Variants in PUM1 observed in about 807,000 individuals in gnomAD.
PUM1 encodes the protein pumilio homolog 1.
Under a neutral mutation model 131.8 loss-of-function variants are expected in PUM1, and 13 were observed. That is an observed-to-expected ratio of 0.10 (90% confidence interval 0.06 to 0.16). The LOEUF is 0.16. Ranked by LOEUF, PUM1 falls within the 10% of genes least tolerant of loss-of-function variation. PUM1 has a pLI of 1.00. For synonymous variants in PUM1, 509 were observed against 556.5 expected, an observed-to-expected ratio of 0.91 and a Z score of 1.20; for missense variants, 961 against 1,512.4, an observed-to-expected ratio of 0.64 and a Z score of 6.05.
intron 2 of PUM1, chr1:31,051,094 C>A (rs552471849): frequency 6.6e-6 from 1 of 151,940 alleles, no homozygotes; most frequent in East Asian, 1.9e-4. Flanking sequence ...GGCATCCACC[C>A]CAATGAAAGA....
At chr1:31,061,616 A>G (rs1220872931) in intron 1 of PUM1, 1 of 151,548 alleles carries the variant, frequency 6.6e-6, no homozygotes, top group Non-Finnish European at 1.5e-5. Context: ...ATAAATAAAT[A>G]AAATAATTTT....
chr1:30,943,800 C>G (rs77222702), intron 18 of PUM1, among the ~76,000 whole-genome samples: 19,473 of 152,214 alleles, frequency 0.13, 1,534 homozygotes, highest in East Asian at 0.24. Flanking sequence ...CAGCACATAG[C>G]AACTGATGGG....
rs1640713314 is a variant in PUM1, at chr1:30,968,387, C to T, written c.1612G>A (p.Ala538Thr). 1 of 1,588,006 alleles carries T rather than the reference C, an allele frequency of 6.3e-7. No individual in the cohort carries two copies. The highest frequency in any genetic ancestry group is 8.6e-7 in the Non-Finnish European group (1 of 1,166,428). Residue 538 changes from alanine to threonine, a missense_variant, in exon 11 of 22, where the codon GCA (alanine) becomes ACA (threonine). By Grantham distance (58) the Ala-to-Thr change is moderately conservative. Coordinates refer to ENST00000426105, the MANE Select transcript of PUM1 (RefSeq NM_001020658.2). ...CCTGCTGCCAGACCTTGTCCAAATG[C>T]AAGGGCAGAATTCACTGCTGCAGCT... is the stretch of plus-strand genomic sequence containing the variant. Reference protein sequence around the residue: ...VAAAAVNSALAFGQGLAAGMP... With the variant: ...VAAAAVNSALTFGQGLAAGMP...
intron 7 of PUM1, among the ~76,000 whole-genome samples, chr1:30,987,609 T>C (rs1050159104): frequency 6.6e-6 from 1 of 152,222 alleles, no homozygotes; most frequent in Non-Finnish European, 1.5e-5. Context: ...GAACACATTA[T>C]GCATGAACTG....
intron 2 of PUM1, among the ~76,000 whole-genome samples, chr1:31,047,532 TC>T (rs1461923258): frequency 6.6e-6 from 1 of 152,258 alleles, no homozygotes; most frequent in Non-Finnish European, 1.5e-5. Context: ...AATTTTGTAC[TC>T]AGGCTTAGCC....
chr1:31,020,519 G>T (rs1404879456), intron 3 of PUM1, among the ~76,000 whole-genome samples: 1 of 152,006 alleles, frequency 6.6e-6, no homozygotes, highest in Non-Finnish European at 1.5e-5. Context: ...GACCCCTCAG[G>T]ATACTGTAAA....
Position 31,065,669 on chromosome 1 carries a change from G to A in PUM1, c.-65C>T. ...TCAGCCCCCCGATCTTCTCTCTCTGGCGCTCTCGCTCCCCCTTACCTTTCA... is the reference window on the plus strand; with the variant it reads ...TCAGCCCCCCGATCTTCTCTCTCTGACGCTCTCGCTCCCCCTTACCTTTCA... On this transcript the variant is annotated 5_prime_UTR_variant, in exon 1 of 22. Coordinates refer to ENST00000426105, the MANE Select transcript of PUM1 (RefSeq NM_001020658.2). 1 of 1,549,866 alleles carries A rather than the reference G, an allele frequency of 6.5e-7. No individual in the cohort carries two copies. The highest frequency in any genetic ancestry group is 8.7e-7 in the Non-Finnish European group (1 of 1,146,884).
rs1023760113 is a variant in PUM1, at chr1:30,972,812, G to A, written c.1506+1839C>T. On this transcript the variant is annotated intron_variant, in intron 10 of 21. Transcript: ENST00000426105. The stretch of plus-strand genomic sequence containing the variant: ...AAAAGAAATTTGGCCAGGCGTGGTG[G>A]CTCAGGCCTACAATCACAGCACTTT... 2.4e-4 allele frequency among the ~76,000 whole-genome samples: 35 copies of A among 148,180 alleles called. 1 individual carries two copies. Among genetic ancestry groups the A allele is most frequent in the African/African-American group, 8.0e-4 (32 of 39,948 alleles).
intron 2 of PUM1, among the ~76,000 whole-genome samples, chr1:31,056,217 T>C (rs906831104): frequency 6.6e-5 from 10 of 152,208 alleles, no homozygotes; most frequent in African/African-American, 2.4e-4. Context: ...TTCCAGGATA[T>C]AAGATTTCTA....
intron 2 of PUM1, among the ~76,000 whole-genome samples, chr1:31,038,020 A>C (rs1167660573): frequency 6.6e-6 from 1 of 151,492 alleles, no homozygotes; most frequent in Non-Finnish European, 1.5e-5. Flanking sequence ...CGGAAGTTGC[A>C]GTGAGCCGAG....
rs145635487 is a variant in PUM1 at position 31,054,838 on chromosome 1, T to C, written c.363+4366A>G. On this transcript the variant is annotated intron_variant, in intron 2 of 21. Coordinates refer to ENST00000426105, the MANE Select transcript of PUM1 (RefSeq NM_001020658.2). Reference sequence around the variant, plus strand: ...TTATGGCAAAACAATTCTTTGGCCCTGTAATGTGCCACTTGGTTGCACAGT... The same window carrying C: ...TTATGGCAAAACAATTCTTTGGCCCCGTAATGTGCCACTTGGTTGCACAGT... Among the ~76,000 whole-genome samples, 121 of 152,304 alleles carry C rather than the reference T, an allele frequency of 7.9e-4. 1 individual carries two copies. Among genetic ancestry groups the C allele is most frequent in the African/African-American group, 2.7e-3 (113 of 41,566 alleles).
At chr1:31,028,124 T>TCC (rs1643290705) in intron 3 of PUM1, among the ~76,000 whole-genome samples, 2 of 152,194 alleles carry the variant, frequency 1.3e-5, no homozygotes, top group African/African-American at 4.8e-5. Context: ...ATATCTATAC[T>TCC]CCCCTTCCTT....
intron 10 of PUM1, among the ~76,000 whole-genome samples, chr1:30,970,059 A>G (rs765098781): frequency 1.3e-5 from 2 of 152,206 alleles, no homozygotes; most frequent in African/African-American, 2.4e-5. Context: ...CAAGATCTAC[A>G]CACTCCAGCA....
In PUM1 at chr1:30,981,413, A is replaced by G. The variant is rs777849764; in HGVS notation, c.1159-8T>C. ...ATTAGGTCTTTGGAACAGCTGAGGC[A>G]AGAGGAAAAACACGGTGTGGTTAGG... On this transcript the variant is annotated splice_polypyrimidine_tract_variant and splice_region_variant and intron_variant, in intron 7 of 21. Transcript: ENST00000426105. The G allele has an allele frequency of 1.9e-6, 3 of 1,567,406 alleles. No homozygotes were observed. Among genetic ancestry groups the G allele is most frequent in the African/African-American group, 2.7e-5 (2 of 73,886 alleles).
At chr1:30,971,987 G>A (rs1376552423) in intron 10 of PUM1, among the ~76,000 whole-genome samples, 2 of 151,806 alleles carry the variant, frequency 1.3e-5, no homozygotes, top group East Asian at 3.9e-4. Context: ...TAGGTGCAGT[G>A]GTTCACACCT....
chr1:31,047,188 C>T (rs1007268075), intron 2 of PUM1, among the ~76,000 whole-genome samples: 1 of 151,922 alleles, frequency 6.6e-6, no homozygotes, highest in African/African-American at 2.4e-5. Context: ...GACCCAATCT[C>T]AAAAAAAGAG....
At chr1:30,933,484 A>ACACACACACC (rs1491459248) in intron 21 of PUM1, 142 bp from the exon 22 acceptor site, 50 of 712,420 alleles carry the variant, frequency 7.0e-5, no homozygotes, top group East Asian at 1.7e-4. Context: ...ACACACACAC[A>ACACACACACC]CCCCTACAGC....
At chr1:31,007,941 T>C (rs1413456605) in intron 3 of PUM1, among the ~76,000 whole-genome samples, 1 of 152,250 alleles carries the variant, frequency 6.6e-6, no homozygotes, top group African/African-American at 2.4e-5. Flanking sequence ...ACTCTATCAT[T>C]CTTGGTTCTG....
intron 5 of PUM1, among the ~76,000 whole-genome samples, chr1:31,002,475 A>AT (rs796641664): frequency 7.5e-4 from 114 of 152,214 alleles, no homozygotes; most frequent in African/African-American, 2.6e-3. Flanking sequence ...ATCATGATCC[A>AT]TTTTTTGGCT....
Sources: allele counts gnomAD v4.1 joint callset (sites outside exome capture counted in the v4.1 genomes callset), GRCh38; gene constraint gnomAD v4.1.1; transcripts MANE v1.5; gene names NCBI Gene and HGNC (gene_info 2026-07-23, HGNC 2026-07-21).